The following PGAP1 variants were observed in gnomAD, a reference collection of about 807,000 sequenced individuals.
PGAP1 encodes the protein GPI inositol-deacylase.
A neutral mutation model predicts 127.0 loss-of-function variants in PGAP1; 76 were observed. The ratio of observed to expected loss-of-function variants is 0.60; its 90% CI spans 0.50 to 0.72. The LOEUF (loss-of-function observed/expected upper bound fraction) is 0.72, where lower values mean the gene tolerates loss of function less well. PGAP1 is among the 30% of genes least tolerant of loss of function. The pLI, the probability that PGAP1 is intolerant of heterozygous loss-of-function variation, is 0.00. For synonymous variants in PGAP1, 362 were observed against 366.5 expected (o/e 0.99, Z 0.14); for missense variants, 982 against 1,071.3 (o/e 0.92, Z 1.16).
At chr2:196,861,407 T>C (rs916560222) in intron 20 of PGAP1, among the ~76,000 whole-genome samples, 1 of 152,210 alleles carries the variant, frequency 6.6e-6, no homozygotes, top group Non-Finnish European at 1.5e-5. Flanking sequence ...GAAAAAATTT[T>C]GCAAACTATC....
At chr2:196,878,682 C>T (rs1701638037) in intron 13 of PGAP1, among the ~76,000 whole-genome samples, 1 of 152,172 alleles carries the variant, frequency 6.6e-6, no homozygotes, top group Non-Finnish European at 1.5e-5. Context: ...TTCTGAATTC[C>T]ATAAAGTCCT....
chr2:196,850,207 T>C (rs1700678122), intron 20 of PGAP1, among the ~76,000 whole-genome samples: 1 of 152,210 alleles, frequency 6.6e-6, no homozygotes. Context: ...ACCAGCTGGC[T>C]CTGTTACTAG....
At chr2:196,894,931 T>A (rs1702225140) in intron 7 of PGAP1, among the ~76,000 whole-genome samples, 1 of 152,216 alleles carries the variant, frequency 6.6e-6, no homozygotes, top group Admixed American at 6.5e-5. Context: ...CCACTAGAAA[T>A]TACTCTGATT....
chr2:196,842,685 A>G (rs370352991), intron 26 of PGAP1, 36 bp downstream of exon 26: 4 of 1,124,144 alleles, frequency 3.6e-6, no homozygotes, highest in South Asian at 3.1e-5. Context: ...AAGGCCAAGA[A>G]CAGATATAAG....
chr2:196,902,717 A>G lies in PGAP1; in HGVS notation c.675T>C (p.Tyr225=), dbSNP rs1702538339. ...ITDFYTTVNN[Y]WILNARHINL... ...TTATGTGTCGAGCATTTAGAATCCA[A>G]TAGTTGTTTACAGTCGTATAAAAAT... Residue 225 remains tyrosine (Y), a synonymous_variant, in exon 5 of 27, where the codon TAT becomes TAC. Transcript: ENST00000354764. 1 of 1,610,830 alleles carries G rather than the reference A, an allele frequency of 6.2e-7. No individual in the cohort carries two copies. The highest frequency in any genetic ancestry group is 1.3e-5 in the African/African-American group (1 of 74,820).
intron 14 of PGAP1, among the ~76,000 whole-genome samples, chr2:196,874,778 C>A (rs116065618): frequency 0.01 from 1,537 of 152,196 alleles, 23 homozygotes; most frequent in African/African-American, 0.035. Flanking sequence ...TTTTGGGAGG[C>A]CAAGGCATGC....
chr2:196,877,014 A>G (rs923467089), intron 13 of PGAP1, among the ~76,000 whole-genome samples: 2 of 152,096 alleles, frequency 1.3e-5, no homozygotes, highest in South Asian at 2.1e-4. Flanking sequence ...GGATAAGCCT[A>G]TATCAGACAG....
chr2:196,923,770 C>A (rs1421318163), intron 1 of PGAP1, among the ~76,000 whole-genome samples: 2 of 151,972 alleles, frequency 1.3e-5, no homozygotes, highest in Non-Finnish European at 2.9e-5. Context: ...AAGCGATTCT[C>A]CAGCCTCAGC....
intron 10 of PGAP1, 150 bp downstream of exon 10, chr2:196,890,678 A>G (rs1203295235): frequency 1.8e-6 from 1 of 552,394 alleles, no homozygotes; most frequent in Non-Finnish European, 3.3e-6. Flanking sequence ...TTTGATCAAT[A>G]CTTTTCAATC....
At chr2:196,849,363 A>G (rs1031924872) in intron 20 of PGAP1, among the ~76,000 whole-genome samples, 2 of 149,456 alleles carry the variant, frequency 1.3e-5, no homozygotes, top group African/African-American at 4.9e-5. Flanking sequence ...TCCCGGGTTC[A>G]TGCCATTCTC....
At chr2:196,916,396 G>T in intron 3 of PGAP1, 22 bp downstream of exon 3, 2 of 1,569,072 alleles carry the variant, frequency 1.3e-6, no homozygotes, top group South Asian at 1.2e-5. Flanking sequence ...CACCACTATT[G>T]ATTTGCATAC....
Position 196,834,659 on chromosome 2 carries a change from A to G in PGAP1, c.*6575T>C, listed in dbSNP as rs1438439870. On this transcript the variant is annotated 3_prime_UTR_variant, in exon 27 of 27. Transcript: ENST00000354764. ...AATATGTAACATAATTTCCTAATTT[A>G]TATACAGTATAAATCGGGAGTTTTT... The G allele has an allele frequency of 6.6e-6, 1 of 152,054 alleles. No homozygotes were observed. Among genetic ancestry groups the G allele is most frequent in the Non-Finnish European group, 1.5e-5 (1 of 67,878 alleles). The allele number at this position is 152,054 out of a possible 1,614,324, so 9.4% of individuals were successfully genotyped here.
rs946853580 is a variant in PGAP1, at chr2:196,875,839, GATTT to G, written c.1351-22_1351-19del. ...ACAACAAACTGAAATATAAAACATT[GATTT>G]ATTAGAAAAAGTAAGTTAAATTTAC... On this transcript the variant is annotated intron_variant, in intron 13 of 26. Transcript: ENST00000354764. 1.6e-6 allele frequency: 2 copies of G among 1,247,270 alleles called. No homozygotes were observed. Among genetic ancestry groups the G allele is most frequent in the South Asian group, 1.3e-5 (1 of 76,922 alleles). The allele number at this position is 1,247,270 out of a possible 1,614,324, so 77.3% of individuals were successfully genotyped here.
chr2:196,926,334 G>T, intron 1 of PGAP1, 136 bp downstream of exon 1: 2 of 1,339,524 alleles, frequency 1.5e-6, no homozygotes, highest in South Asian at 1.5e-5. Flanking sequence ...CTCCCCGGGC[G>T]GAGAAAACAG....
At chr2:196,862,255 G>A (rs1327106682) in intron 20 of PGAP1, among the ~76,000 whole-genome samples, 1 of 151,996 alleles carries the variant, frequency 6.6e-6, no homozygotes, top group Admixed American at 6.6e-5. Context: ...ATGGTCTGTA[G>A]ACTGTAGGGG....
rs370609337 is a variant in PGAP1 at position 196,876,153 on chromosome 2, C to T, written c.1351-332G>A. ...AAGGATGGATGAAAGTATTATCAGC[C>T]TAGGCTAATTCAAGATTAGTTAAAG... On this transcript the variant is annotated intron_variant, in intron 13 of 26. Coordinates refer to ENST00000354764, the MANE Select transcript of PGAP1 (RefSeq NM_024989.4). Among the ~76,000 whole-genome samples, 61 of 152,110 alleles carry T rather than the reference C, an allele frequency of 4.0e-4. No homozygotes were observed. In the East Asian group the frequency reaches 6.6e-3, roughly 16 times the overall value.
chr2:196,872,577 T>C lies in PGAP1; in HGVS notation c.1620-28A>G, dbSNP rs116695759. The C allele has an allele frequency of 1.9e-3, 2,778 of 1,473,888 alleles. 35 individuals carry two copies. The African/African-American group carries it at 0.035, about 18-fold the overall frequency. 91.3% of individuals were successfully genotyped at this position (1,473,888 alleles called of 1,614,324 possible). A position where few individuals can be genotyped will look rare whatever the true frequency, so the allele number is the denominator to read the frequency against. On this transcript the variant is annotated intron_variant, in intron 17 of 26. Coordinates refer to ENST00000354764, the MANE Select transcript of PGAP1 (RefSeq NM_024989.4). The stretch of plus-strand genomic sequence containing the variant: ...GAAGAGATAACTTAAATATCAATTC[T>C]CAAATACAAAATGCTGGTAAAGAGC...
At chr2:196,854,022 C>A (rs1347749510) in intron 20 of PGAP1, among the ~76,000 whole-genome samples, 1 of 150,364 alleles carries the variant, frequency 6.7e-6, no homozygotes, top group Admixed American at 6.7e-5. Flanking sequence ...TCCCAAGTGG[C>A]TGGGACTACA....
At chr2:196,849,421 G>A (rs901784258) in intron 20 of PGAP1, among the ~76,000 whole-genome samples, 8 of 151,026 alleles carry the variant, frequency 5.3e-5, no homozygotes, top group African/African-American at 1.2e-4. Flanking sequence ...GTGCCACCAC[G>A]CCTGGCTAAT....
Sources: gnomAD v4.1 joint callset for allele counts (sites outside exome capture counted in the v4.1 genomes callset) on GRCh38, gnomAD v4.1.1 for gene constraint, MANE v1.5 for transcripts, NCBI Gene and HGNC (gene_info 2026-07-23, HGNC 2026-07-21) for gene names.